The following NXN variants were observed in gnomAD, a reference collection of about 807,000 sequenced individuals.
NXN encodes the protein nucleoredoxin, also known as nucleoredoxin 1.
A neutral mutation model predicts 48.6 loss-of-function variants in NXN; 16 were observed. The observed-to-expected ratio is 0.33, with a 90% CI of 0.22 to 0.50. The LOEUF (loss-of-function observed/expected upper bound fraction) is 0.50, where lower values mean the gene tolerates loss of function less well. Among genes scored for constraint, NXN ranks in the 20% least tolerant of loss-of-function variants. NXN has a pLI of 0.98. For missense variants in NXN, 492 were observed against 605.5 expected (o/e 0.81, Z 1.97); for synonymous variants, 281 against 269.6 (o/e 1.04, Z -0.41).
intron 1 of NXN, among the ~76,000 whole-genome samples, chr17:969,681 C>G (rs529085888): frequency 2.4e-4 from 37 of 152,172 alleles, no homozygotes; most frequent in Non-Finnish European, 4.4e-4. Context: ...TTGACCTGAT[C>G]ACGTTTAACG....
intron 1 of NXN, among the ~76,000 whole-genome samples, chr17:880,879 G>A (rs1049628199): frequency 6.6e-6 from 1 of 152,142 alleles, no homozygotes; most frequent in African/African-American, 2.4e-5. Context: ...CAGGACAGAT[G>A]AAAATGGAAG....
intron 1 of NXN, among the ~76,000 whole-genome samples, chr17:947,925 C>T (rs1386845437): frequency 6.7e-6 from 1 of 149,978 alleles, no homozygotes; most frequent in African/African-American, 2.4e-5. Context: ...GCAGCGTGCG[C>T]CTGTACTCCC....
At chr17:896,859 C>CGGGGGGGG in intron 1 of NXN, 1 of 541,038 alleles carries the variant, frequency 1.8e-6, no homozygotes, top group Non-Finnish European at 2.9e-6. Context: ...TCCTGACCAC[C>CGGGGGGGG]CGCCCCCGGC....
At chr17:933,729 G>C (rs370648354) in intron 1 of NXN, among the ~76,000 whole-genome samples, 2 of 151,938 alleles carry the variant, frequency 1.3e-5, no homozygotes, top group Admixed American at 1.3e-4. Context: ...ATCCATATCC[G>C]TATTATTCAC....
chr17:942,444 T>C lies in NXN; in HGVS notation c.360+36875A>G, dbSNP rs867413140. ...ACCACACACCTTCCTGGATTTACAG[T>C]GAACAAGATTCCAGGGTGCAGCCAT... On this transcript the variant is annotated intron_variant, in intron 1 of 7. Transcript: ENST00000336868. Among the ~76,000 whole-genome samples, 121 of 52,104 alleles carry C rather than the reference T, an allele frequency of 2.3e-3. 2 individuals are homozygous for C. Among genetic ancestry groups the C allele is most frequent in the Non-Finnish European group, 3.5e-3 (78 of 22,402 alleles). The allele number at this position is 52,104 out of a possible 152,430, so 34.2% of individuals were successfully genotyped here. A position where few individuals can be genotyped will look rare whatever the true frequency, so the allele number is the denominator to read the frequency against.
At chr17:934,190 A>C (rs139423936) in intron 1 of NXN, among the ~76,000 whole-genome samples, 1,712 of 152,230 alleles carry the variant, frequency 0.011, 25 homozygotes, top group Admixed American at 0.019. Flanking sequence ...TCACGCCTGT[A>C]ATCCCAGCAC....
chr17:947,866 C>G (rs1171566337), intron 1 of NXN, among the ~76,000 whole-genome samples: 2 of 146,262 alleles, frequency 1.4e-5, no homozygotes, highest in African/African-American at 5.0e-5. Context: ...CGGTGAAACT[C>G]CGTCTCTACT....
At chr17:809,535 G>C (rs1386828344) in intron 5 of NXN, among the ~76,000 whole-genome samples, 2 of 152,170 alleles carry the variant, frequency 1.3e-5, no homozygotes, top group Non-Finnish European at 2.9e-5. Context: ...GCAGAGAGGA[G>C]CGGGCAGGGC....
Position 920,488 on chromosome 17 carries a change from T to TC in NXN, c.360+58830dup, listed in dbSNP as rs2068737426. On this transcript the variant is annotated intron_variant, in intron 1 of 7. Transcript: ENST00000336868. This position sits in a 1 kb window ranked among gnomAD's most constrained non-coding sequence, Gnocchi z 4.6. ...GTTCTCCTCCCAGGGTTCCGCTCCC[T>TC]CCCCAAGTGACCAGCCCTCACCAGC... Among the ~76,000 whole-genome samples the TC allele has an allele frequency of 2.0e-5, 3 of 151,878 alleles. No individual in the cohort carries two copies. The South Asian group carries it at 6.2e-4, about 32-fold the overall frequency.
chr17:920,745 CAG>C lies in NXN; in HGVS notation c.360+58572_360+58573del, dbSNP rs1342707282. Among the ~76,000 whole-genome samples the C allele has an allele frequency of 2.7e-5, 4 of 146,910 alleles. No individual in the cohort carries two copies. The highest frequency in any genetic ancestry group is 1.4e-4 in the Admixed American group (2 of 14,548). On this transcript the variant is annotated intron_variant, in intron 1 of 7. Transcript: ENST00000336868. The surrounding 1 kb of genome is among the most constrained non-coding windows in gnomAD (Gnocchi z 4.6). ...CCTTTTTTTTTTTTTTCCTTTGAAACAGAGTCTCGCCCTGTTGCCCAGGCTGG... is the reference window on the plus strand; with the variant it reads ...CCTTTTTTTTTTTTTTCCTTTGAAACAGTCTCGCCCTGTTGCCCAGGCTGG...
intron 1 of NXN, among the ~76,000 whole-genome samples, chr17:902,271 C>T (rs997498155): frequency 2.6e-5 from 4 of 152,196 alleles, no homozygotes; most frequent in African/African-American, 9.6e-5. Context: ...CTCGCTCTGG[C>T]GTTCTCAGAA....
In NXN at chr17:825,104, G is replaced by A. The variant is rs557734163; in HGVS notation, c.478+857C>T. ...AAATTAGCTGGGTGTGGCGGTGCAC[G>A]CCAGTAGTCCCAGCTACACGGGAGG... On this transcript the variant is annotated intron_variant, in intron 2 of 7. Transcript: ENST00000336868. This position sits in a 1 kb window ranked among gnomAD's most constrained non-coding sequence, Gnocchi z 4.1. 5.3e-4 allele frequency among the ~76,000 whole-genome samples: 81 copies of A among 152,138 alleles called. No homozygotes were observed. Among genetic ancestry groups the A allele is most frequent in the Non-Finnish European group, 1.1e-3 (72 of 68,002 alleles).
At chr17:940,111 A>AT (rs958968106) in intron 1 of NXN, among the ~76,000 whole-genome samples, 27 of 149,140 alleles carry the variant, frequency 1.8e-4, no homozygotes, top group African/African-American at 3.4e-4. Flanking sequence ...TAATTTTTGT[A>AT]TTTTTTTGGT....
intron 5 of NXN, among the ~76,000 whole-genome samples, chr17:818,743 G>A (rs755884749): frequency 2.6e-5 from 4 of 151,914 alleles, no homozygotes; most frequent in African/African-American, 7.3e-5. Context: ...AAATTTAGCC[G>A]GGCGTGTGGT....
rs183389548 is a variant in NXN, at chr17:968,869, A to C, written c.360+10450T>G. ...GGAGTATCGCTTGAACCTAAGAGGCAGAGGTCACAGTGAGCTGAGATCGTA... is the reference window on the plus strand; with the variant it reads ...GGAGTATCGCTTGAACCTAAGAGGCCGAGGTCACAGTGAGCTGAGATCGTA... On this transcript the variant is annotated intron_variant, in intron 1 of 7. Coordinates refer to ENST00000336868, the MANE Select transcript of NXN (RefSeq NM_022463.5). 4.3e-3 allele frequency among the ~76,000 whole-genome samples: 652 copies of C among 152,140 alleles called. 4 individuals carry two copies. Among genetic ancestry groups the C allele is most frequent in the African/African-American group, 0.015 (621 of 41,502 alleles).
At chr17:833,183 A>G (rs971522045) in intron 1 of NXN, among the ~76,000 whole-genome samples, 9 of 151,978 alleles carry the variant, frequency 5.9e-5, no homozygotes, top group African/African-American at 1.9e-4. Context: ...GAGCCACCGC[A>G]CCCGGCCGAA....
At chr17:834,970 G>A (rs1427234510) in intron 1 of NXN, among the ~76,000 whole-genome samples, 5 of 151,470 alleles carry the variant, frequency 3.3e-5, no homozygotes, top group Non-Finnish European at 4.4e-5. Flanking sequence ...CTTGCTGAAT[G>A]GTCTTCTACC....
chr17:918,595 G>C (rs9901331), intron 1 of NXN, among the ~76,000 whole-genome samples: 65,638 of 151,716 alleles, frequency 0.43, 14,291 homozygotes, highest in East Asian at 0.58. Flanking sequence ...CAGTTCAAGA[G>C]CAGTCTGGCC....
chr17:973,232 T>C (rs1028156986), intron 1 of NXN, among the ~76,000 whole-genome samples: 2 of 151,962 alleles, frequency 1.3e-5, no homozygotes, highest in Non-Finnish European at 2.9e-5. Flanking sequence ...AGCAAACCCA[T>C]CCCGCAGCAT....
Sources: gnomAD v4.1 joint callset for allele counts (sites outside exome capture counted in the v4.1 genomes callset) on GRCh38, gnomAD v4.1.1 for gene constraint, Gnocchi (gnomAD v3.1) non-coding constraint, MANE v1.5 for transcripts, NCBI Gene and HGNC (gene_info 2026-07-23, HGNC 2026-07-21) for gene names.